Variants in TFCP2 observed in about 807,000 individuals in gnomAD.
TFCP2 encodes alpha-globin transcription factor CP2.
A neutral mutation model predicts 73.4 loss-of-function variants in TFCP2; 33 were observed. The ratio of observed to expected loss-of-function variants is 0.45; its 90% CI spans 0.34 to 0.60. The LOEUF is 0.60. Among genes scored for constraint, TFCP2 ranks in the 20% least tolerant of loss-of-function variants. The probability of loss-of-function intolerance (pLI) is 0.01; values close to 1 mark genes in which losing one functional copy is unlikely to be tolerated. For synonymous variants in TFCP2, 193 were observed against 211.6 expected, an observed-to-expected ratio of 0.91 and a Z score of 0.76; for missense variants, 352 against 604.0, an observed-to-expected ratio of 0.58 and a Z score of 4.37.
chr12:51,150,649 G>A (rs1941402326), intron 1 of TFCP2, among the ~76,000 whole-genome samples: 1 of 152,066 alleles, frequency 6.6e-6, no homozygotes. Flanking sequence ...GATAATTGAA[G>A]TGGGGAGAAA....
intron 1 of TFCP2, among the ~76,000 whole-genome samples, chr12:51,123,965 G>A (rs983441541): frequency 1.3e-5 from 2 of 152,210 alleles, no homozygotes; most frequent in African/African-American, 4.8e-5. Context: ...AATCAGGAGA[G>A]AGAGGACACC....
chr12:51,137,477 C>T (rs1941087112), intron 1 of TFCP2, among the ~76,000 whole-genome samples: 1 of 152,122 alleles, frequency 6.6e-6, no homozygotes. Flanking sequence ...TCTGAATCAG[C>T]AAAGCCCTAC....
intron 1 of TFCP2, among the ~76,000 whole-genome samples, chr12:51,170,578 AC>A (rs1204202926): frequency 1.3e-5 from 2 of 150,510 alleles, no homozygotes; most frequent in Admixed American, 6.6e-5. Context: ...TCCAGTCTCC[AC>A]CCCCCAAAGT....
In TFCP2 at chr12:51,113,494, G is replaced by A. The variant is rs76818335; in HGVS notation, c.458-2511C>T. ...CCAGAACTCCCACTTTATAGTGCCT[G>A]GTTCTCAGGCACTAGTAAAATGAAG... On this transcript the variant is annotated intron_variant, in intron 4 of 14. Transcript: ENST00000257915. Among the ~76,000 whole-genome samples, 881 of 152,274 alleles carry A rather than the reference G, an allele frequency of 5.8e-3. 8 individuals are homozygous for A. The highest frequency in any genetic ancestry group is 0.02 in the African/African-American group (822 of 41,544).
rs531535628 is a variant in TFCP2, at chr12:51,155,069, A to AGTAAAG, written c.122+17226_122+17231dup. On this transcript the variant is annotated intron_variant, in intron 1 of 14. Transcript: ENST00000257915. ...GTGCCCAGATAGAACAAAAAGGCAGAGTAAAGGTAAATTCATTTTTTCTCC... is the reference window on the plus strand; with the variant it reads ...GTGCCCAGATAGAACAAAAAGGCAGAGTAAAGGTAAAGGTAAATTCATTTTTTCTCC... Among the ~76,000 whole-genome samples, 307 of 152,310 alleles carry AGTAAAG rather than the reference A, an allele frequency of 2.0e-3. 1 individual carries two copies. Among genetic ancestry groups the AGTAAAG allele is most frequent in the African/African-American group, 6.9e-3 (287 of 41,566 alleles).
At position 51,140,770 on chromosome 12, in the gene TFCP2, T is replaced by C. The variant is rs917930143; in HGVS notation, c.123-21998A>G. Among the ~76,000 whole-genome samples, 268 of 151,626 alleles carry C rather than the reference T, an allele frequency of 1.8e-3. 6 individuals carry two copies. The highest frequency in any genetic ancestry group is 0.017 in the Admixed American group (266 of 15,206). On this transcript the variant is annotated intron_variant, in intron 1 of 14. Coordinates refer to ENST00000257915, the MANE Select transcript of TFCP2 (RefSeq NM_005653.5). Reference sequence around the variant, plus strand: ...ACTGCAACCATCTAATTTTTAAATTTTTTGGTTGGGCACAGTGGCTCATAC... The same window carrying C: ...ACTGCAACCATCTAATTTTTAAATTCTTTGGTTGGGCACAGTGGCTCATAC...
At chr12:51,167,819 G>T (rs977388725) in intron 1 of TFCP2, among the ~76,000 whole-genome samples, 1 of 152,116 alleles carries the variant, frequency 6.6e-6, no homozygotes, top group Non-Finnish European at 1.5e-5. Flanking sequence ...ACAGCAATTT[G>T]GGAGGCCAAG....
chr12:51,124,501 C>G (rs1940753423), intron 1 of TFCP2: 3 of 371,450 alleles, frequency 8.1e-6, no homozygotes, highest in Non-Finnish European at 1.6e-5. Flanking sequence ...TCAGTGATTT[C>G]TGGGGTAGGG....
chr12:51,103,929 T>C (rs1940170577), intron 9 of TFCP2, 166 bp from the exon 10 acceptor site: 1 of 696,338 alleles, frequency 1.4e-6, no homozygotes, highest in African/African-American at 1.8e-5. Context: ...TCCATCCTTT[T>C]CTTCCCCACT....
At chr12:51,125,034 A>C in intron 1 of TFCP2, 2 of 742,634 alleles carry the variant, frequency 2.7e-6, no homozygotes, top group Non-Finnish European at 5.0e-6. Flanking sequence ...CACTGACTTG[A>C]GGATCTCGGT....
intron 1 of TFCP2, among the ~76,000 whole-genome samples, chr12:51,168,242 A>G (rs868567143): frequency 6.6e-6 from 1 of 152,128 alleles, no homozygotes. Flanking sequence ...CAAAACATTT[A>G]AAAATCAGCC....
At chr12:51,140,384 T>A (rs1008425934) in intron 1 of TFCP2, among the ~76,000 whole-genome samples, 1 of 151,544 alleles carries the variant, frequency 6.6e-6, no homozygotes, top group Non-Finnish European at 1.5e-5. Flanking sequence ...AGTAATATAG[T>A]GAGACTCTGT....
chr12:51,102,445 G>C (rs1384059679), intron 10 of TFCP2, among the ~76,000 whole-genome samples: 1 of 152,092 alleles, frequency 6.6e-6, no homozygotes, highest in African/African-American at 2.4e-5. Flanking sequence ...AAAATCCTGG[G>C]CCAGGAGCAG....
At chr12:51,158,712 C>T (rs1369438071) in intron 1 of TFCP2, among the ~76,000 whole-genome samples, 1 of 151,498 alleles carries the variant, frequency 6.6e-6, no homozygotes, top group Non-Finnish European at 1.5e-5. Flanking sequence ...TGGTCTCAAA[C>T]TCCTGACCTC....
chr12:51,142,227 A>AAAAAT, intron 1 of TFCP2, among the ~76,000 whole-genome samples: 3 of 150,476 alleles, frequency 2.0e-5, no homozygotes, highest in Non-Finnish European at 3.0e-5. Flanking sequence ...AAAAAAAAAA[A>AAAAAT]AGTCTTTATA....
chr12:51,098,351 C>T (rs909077286), intron 13 of TFCP2, among the ~76,000 whole-genome samples: 2 of 152,138 alleles, frequency 1.3e-5, no homozygotes, highest in East Asian at 1.9e-4. Flanking sequence ...TAGGACCAGG[C>T]GCAGTGGCTC....
chr12:51,156,163 T>C (rs1169289264), intron 1 of TFCP2, among the ~76,000 whole-genome samples: 1 of 152,104 alleles, frequency 6.6e-6, no homozygotes, highest in Non-Finnish European at 1.5e-5. Context: ...TATAAAGGAA[T>C]ACCTGAGGCT....
chr12:51,120,220 A>G (rs1157857500), intron 1 of TFCP2, among the ~76,000 whole-genome samples: 1 of 151,790 alleles, frequency 6.6e-6, no homozygotes, highest in Non-Finnish European at 1.5e-5. Flanking sequence ...ACAACAACAA[A>G]AAAATAAAAA....
At chr12:51,119,672 C>G (rs1014277924) in intron 1 of TFCP2, among the ~76,000 whole-genome samples, 4 of 151,624 alleles carry the variant, frequency 2.6e-5, no homozygotes, top group Non-Finnish European at 5.9e-5. Flanking sequence ...ACTGCTTGAA[C>G]CCGGGAGGTG....
Sources: allele counts gnomAD v4.1 joint callset (sites outside exome capture counted in the v4.1 genomes callset), GRCh38; gene constraint gnomAD v4.1.1; transcripts MANE v1.5; gene names NCBI Gene and HGNC (gene_info 2026-07-23, HGNC 2026-07-21).